The following LMF1 variants were observed in gnomAD, a reference collection of about 807,000 sequenced individuals.
LMF1 encodes lipase maturation factor 1, also known as transmembrane protein 112.
LMF1 carries 68 observed loss-of-function variants against 60.6 expected under a neutral mutation model. The ratio of observed to expected loss-of-function variants is 1.12; its 90% confidence interval spans 0.92 to 1.37. The LOEUF is 1.37. Ranked by LOEUF, LMF1 falls within the 40% of genes most tolerant of loss-of-function variation. The pLI is 0.00. For synonymous variants in LMF1, 418 were observed against 324.7 expected, an observed-to-expected ratio of 1.29 and a Z score of -3.09; for missense variants, 948 against 767.2, an observed-to-expected ratio of 1.24 and a Z score of -2.78.
intron 2 of LMF1, among the ~76,000 whole-genome samples, chr16:935,878 T>C (rs1209570902): frequency 6.6e-6 from 1 of 152,166 alleles, no homozygotes; most frequent in Admixed American, 6.5e-5. Context: ...GCAAAGGCCA[T>C]GACAAACGAC....
At chr16:951,508 T>C (rs1360470517) in intron 2 of LMF1, among the ~76,000 whole-genome samples, 1 of 152,268 alleles carries the variant, frequency 6.6e-6, no homozygotes, top group Non-Finnish European at 1.5e-5. Flanking sequence ...GAGTCCTCTC[T>C]AAAATCACTT....
intron 3 of LMF1, chr16:921,168 G>A (rs2071420554): frequency 6.6e-6 from 1 of 152,302 alleles, no homozygotes; most frequent in South Asian, 2.1e-4. Context: ...ACTCAAGGAG[G>A]TAAGACTGTG....
chr16:864,240 G>T (rs188477556), intron 10 of LMF1, among the ~76,000 whole-genome samples: 2 of 152,318 alleles, frequency 1.3e-5, no homozygotes, highest in East Asian at 1.9e-4. Flanking sequence ...TTAATACAAT[G>T]AATCCTTTAT....
At chr16:910,463 C>T (rs1219469934) in intron 4 of LMF1, among the ~76,000 whole-genome samples, 1 of 152,212 alleles carries the variant, frequency 6.6e-6, no homozygotes, top group South Asian at 2.1e-4. Context: ...GAGGAGGCCG[C>T]GCTTTCCCTG....
At chr16:947,561 G>A (rs1343517294) in intron 2 of LMF1, 1 of 455,978 alleles carries the variant, frequency 2.2e-6, no homozygotes, top group African/African-American at 2.0e-5. Flanking sequence ...GCCCAGGAAG[G>A]AAGCTCCAAG....
chr16:981,341 AGAGAGAGTGTGTGTGT>A (rs1473837481), upstream of LMF1: 69 of 275,770 alleles, frequency 2.5e-4, no homozygotes, highest in African/African-American at 1.4e-3. Flanking sequence ...AGAGAGAGAG[AGAGAGAGTGTGTGTGT>A]GTGTGTGTGT....
rs764554744 is a variant in LMF1 at position 869,068 on chromosome 16, G to A, written c.1417-12C>T. On this transcript the variant is annotated splice_polypyrimidine_tract_variant and intron_variant, in intron 9 of 10. Coordinates refer to ENST00000262301, the MANE Select transcript of LMF1 (RefSeq NM_022773.4). Reference sequence around the variant, plus strand: ...TTGTGCTCGTAGGTCTGGGAGGAGAGGTCGGGCTGGAGACGGCTGTGCCAC... The same window carrying A: ...TTGTGCTCGTAGGTCTGGGAGGAGAAGTCGGGCTGGAGACGGCTGTGCCAC... 1.3e-6 allele frequency: 2 copies of A among 1,583,962 alleles called. No homozygotes were observed. The highest frequency in any genetic ancestry group is 3.3e-5 in the Admixed American group (2 of 59,990).
chr16:894,556 G>A (rs1448830987), intron 4 of LMF1, among the ~76,000 whole-genome samples: 1 of 152,190 alleles, frequency 6.6e-6, no homozygotes, highest in Non-Finnish European at 1.5e-5. Context: ...GCAGGCGCAG[G>A]TGCGACAAGG....
chr16:888,847 TGGGCAGCA>T (rs1167453924), intron 5 of LMF1, among the ~76,000 whole-genome samples: 1 of 152,084 alleles, frequency 6.6e-6, no homozygotes, highest in East Asian at 1.9e-4. Context: ...GATGCACAGG[TGGGCAGCA>T]GGGCCAGCCA....
intron 10 of LMF1, chr16:855,356 C>T (rs7195919): frequency 0.053 from 15,740 of 295,424 alleles, 1,684 homozygotes; most frequent in African/African-American, 0.26. Context: ...AGCAGGGTAG[C>T]GGGCAGGTCT....
intron 1 of LMF1, among the ~76,000 whole-genome samples, chr16:969,729 G>A (rs977156104): frequency 6.6e-6 from 1 of 152,262 alleles, no homozygotes; most frequent in African/African-American, 2.4e-5. Context: ...CCCGCTGGCT[G>A]CATCTCGGCC....
At chr16:917,530 C>T (rs1596989465) in intron 3 of LMF1, among the ~76,000 whole-genome samples, 3 of 148,294 alleles carry the variant, frequency 2.0e-5, no homozygotes, top group Non-Finnish European at 3.0e-5. Context: ...GCGCTGTGGG[C>T]GGGCGCAGGC....
intron 10 of LMF1, 67 bp downstream of exon 10, chr16:868,876 TG>T: frequency 1.0e-6 from 1 of 963,380 alleles, no homozygotes; most frequent in Non-Finnish European, 1.6e-6. Context: ...CAGGTACAGG[TG>T]GTGGGATCCC....
intron 5 of LMF1, among the ~76,000 whole-genome samples, chr16:883,337 G>A (rs182249370): frequency 4.7e-5 from 7 of 149,424 alleles, no homozygotes; most frequent in South Asian, 2.1e-4. Flanking sequence ...GCCGCCCAGC[G>A]AAGCCCATCA....
chr16:968,914 T>C (rs1023023579), intron 1 of LMF1: 1 of 152,232 alleles, frequency 6.6e-6, no homozygotes, highest in Non-Finnish European at 1.5e-5. Context: ...GGAAGGCCTA[T>C]TAGAGCCTCA....
chr16:863,655 GATT>G (rs1407772288), intron 10 of LMF1, among the ~76,000 whole-genome samples: 1 of 152,124 alleles, frequency 6.6e-6, no homozygotes, highest in Non-Finnish European at 1.5e-5. Context: ...TCTTGAGCTA[GATT>G]ATTATTATTT....
At chr16:950,745 CAG>C (rs1468888711) in intron 2 of LMF1, among the ~76,000 whole-genome samples, 1 of 114,980 alleles carries the variant, frequency 8.7e-6, no homozygotes, top group South Asian at 3.3e-4. Context: ...TCAGAGACGA[CAG>C]AGTCAGAGCC....
At chr16:855,057 G>A (rs937709970) in intron 10 of LMF1, 12 of 377,704 alleles carry the variant, frequency 3.2e-5, no homozygotes, top group African/African-American at 2.3e-4. Context: ...CAAGGCCCCA[G>A]TTTGAGCCCC....
intron 3 of LMF1, 135 bp downstream of exon 3, chr16:934,097 AGCGCCCATCACT>A (rs1352984888): frequency 6.5e-7 from 1 of 1,536,604 alleles, no homozygotes. Flanking sequence ...TCAGATCACA[AGCGCCCATCACT>A]GCCCTCCGTG....
Sources: gnomAD v4.1 joint callset for allele counts (sites outside exome capture counted in the v4.1 genomes callset) on GRCh38, gnomAD v4.1.1 for gene constraint, MANE v1.5 for transcripts, NCBI Gene and HGNC (gene_info 2026-07-23, HGNC 2026-07-21) for gene names.